Variants in TEX261 observed in about 807,000 individuals in gnomAD.
The protein encoded by TEX261 is protein TEX261.
A neutral mutation model predicts 25.1 loss-of-function variants in TEX261; 13 were observed. The observed-to-expected ratio is 0.52, with a 90% confidence interval of 0.34 to 0.82. TEX261 has a LOEUF of 0.82. Among genes scored for constraint, TEX261 ranks in the 40% least tolerant of loss-of-function variants. The pLI is 0.02. For missense variants in TEX261, 206 were observed against 243.2 expected (o/e 0.85, Z 1.02); for synonymous variants, 92 against 97.8 (o/e 0.94, Z 0.35).
At position 70,994,832 on chromosome 2, in the gene TEX261, ACCGCCG is replaced by A. The variant is rs532077917; in HGVS notation, c.-81_-76del. On this transcript the variant is annotated 5_prime_UTR_variant, in exon 1 of 6. Transcript: ENST00000272438. ...TCGGCTCCGGCGACACACAGCCGCC[ACCGCCG>A]CCGCCGCCGCCGCGTCCCCGCCCCG... 3,671 of 1,270,050 alleles carry A rather than the reference ACCGCCG, an allele frequency of 2.9e-3. 89 individuals are homozygous for A. In the African/African-American group the frequency reaches 0.048, roughly 17 times the overall value. The allele number at this position is 1,270,050 out of a possible 1,614,324, so 78.7% of individuals were successfully genotyped here.
At chr2:70,991,555 C>A (rs1392314873) in intron 3 of TEX261, among the ~76,000 whole-genome samples, 3 of 152,190 alleles carry the variant, frequency 2.0e-5, no homozygotes, top group African/African-American at 7.2e-5. Context: ...CTGCCTCAGC[C>A]AATCCACAAC....
intron 3 of TEX261, among the ~76,000 whole-genome samples, chr2:70,990,410 T>G (rs1553425494): frequency 6.6e-6 from 1 of 151,896 alleles, no homozygotes; most frequent in African/African-American, 2.4e-5. Context: ...GGCATACCGG[T>G]GTGAACTGAT....
chr2:70,990,344 T>C (rs782820476), intron 3 of TEX261, among the ~76,000 whole-genome samples: 8 of 152,158 alleles, frequency 5.3e-5, no homozygotes. Context: ...GGTGCAGTCT[T>C]CAGGTTCCTC....
intron 3 of TEX261, among the ~76,000 whole-genome samples, chr2:70,991,463 C>T (rs1266827920): frequency 2.0e-5 from 3 of 152,238 alleles, no homozygotes; most frequent in Non-Finnish European, 4.4e-5. Context: ...ACTGGACGGA[C>T]AGCTGCCTGC....
chr2:70,989,260 C>T (rs571960608), intron 4 of TEX261: 100 of 564,852 alleles, frequency 1.8e-4, no homozygotes, highest in Non-Finnish European at 3.0e-4. Flanking sequence ...ACAAGCAACT[C>T]CCCTGGACTG....
At chr2:70,989,440 C>T in intron 4 of TEX261, 1 of 431,358 alleles carries the variant, frequency 2.3e-6, no homozygotes, top group Middle Eastern at 6.7e-4. Flanking sequence ...TGCAGTCCAT[C>T]CCTGCCCTGT....
chr2:70,988,494 C>T lies in TEX261; in HGVS notation c.*106G>A. 1 of 848,676 alleles carries T rather than the reference C, an allele frequency of 1.2e-6. No individual in the cohort carries two copies. Among genetic ancestry groups the T allele is most frequent in the Non-Finnish European group, 2.0e-6 (1 of 506,832 alleles). 52.6% of individuals were successfully genotyped at this position (848,676 alleles called of 1,614,324 possible). ...GCTCCAGAGTTGAGGGGAAGAAAGC[C>T]AGGGCAGGTGGTAGGTGCCTTCCCG... is the stretch of plus-strand genomic sequence containing the variant. On this transcript the variant is annotated 3_prime_UTR_variant, in exon 6 of 6. Transcript: ENST00000272438.
Position 70,988,487 on chromosome 2 carries a change from A to T in TEX261, c.*113T>A, listed in dbSNP as rs4852735. The T allele has an allele frequency of 1.3e-6, 1 of 792,332 alleles. No individual in the cohort carries two copies. The highest frequency in any genetic ancestry group is 2.2e-6 in the Non-Finnish European group (1 of 464,526). 49.1% of individuals were successfully genotyped at this position (792,332 alleles called of 1,614,324 possible). A position where few individuals can be genotyped will look rare whatever the true frequency, so the allele number is the denominator to read the frequency against. On this transcript the variant is annotated 3_prime_UTR_variant, in exon 6 of 6. Transcript: ENST00000272438. ...GGATGGGGCTCCAGAGTTGAGGGGA[A>T]GAAAGCCAGGGCAGGTGGTAGGTGC...
intron 2 of TEX261, 110 bp downstream of exon 2, chr2:70,993,586 G>C: frequency 1.1e-6 from 1 of 901,788 alleles, no homozygotes; most frequent in African/African-American, 1.6e-5. Flanking sequence ...TGTATGCTCA[G>C]GAAACAGCAG....
In TEX261 at chr2:70,989,742, T is replaced by C; in HGVS notation, c.372+7A>G. The stretch of plus-strand genomic sequence containing the variant: ...GTTAACAGCTGAATGTGCTGGACAC[T>C]TCTTACCTCTGAGAAGGGATAATAT... On this transcript the variant is annotated splice_region_variant and intron_variant, in intron 4 of 5. Coordinates refer to ENST00000272438, the MANE Select transcript of TEX261 (RefSeq NM_144582.3). 6.2e-7 allele frequency: 1 copy of C among 1,603,990 alleles called. No individual in the cohort carries two copies. Among genetic ancestry groups the C allele is most frequent in the Non-Finnish European group, 8.5e-7 (1 of 1,170,668 alleles).
In TEX261 at chr2:70,988,953, G is replaced by A. The variant is rs782739877; in HGVS notation, c.437C>T (p.Ala146Val). 6.2e-7 allele frequency: 1 copy of A among 1,614,086 alleles called. No individual in the cohort carries two copies. Among genetic ancestry groups the A allele is most frequent in the East Asian group, 2.2e-5 (1 of 44,866 alleles). The change falls in exon 5 of 6, where the codon GCC (alanine) becomes GTC (valine). Residue 146 changes from alanine to valine, a missense_variant. Transcript: ENST00000272438. ...IPFAFFVSLS[A>V]GENVLPSTMQ... ...GGTAGAGGGCAGGACGTTCTCCCCGGCCGAAAGTGACACAAAAAACGCAAA... is the reference window on the plus strand; with the variant it reads ...GGTAGAGGGCAGGACGTTCTCCCCGACCGAAAGTGACACAAAAAACGCAAA...
intron 1 of TEX261, 78 bp downstream of exon 1, chr2:70,994,609 GA>G (rs781988113): frequency 6.5e-7 from 1 of 1,541,634 alleles, no homozygotes. Context: ...GAGTGGCTCC[GA>G]AACCCCCGCG....
rs1276946303 is a variant in TEX261, at chr2:70,994,825, A to AGCCGCCACC, written c.-77_-69dup. ...GCGCGCTTCGGCTCCGGCGACACAC[A>AGCCGCCACC]GCCGCCACCGCCGCCGCCGCCGCCG... On this transcript the variant is annotated 5_prime_UTR_variant, in exon 1 of 6. Transcript: ENST00000272438. 1.5e-6 allele frequency: 2 copies of AGCCGCCACC among 1,309,866 alleles called. No individual in the cohort carries two copies. The highest frequency in any genetic ancestry group is 2.4e-5 in the South Asian group (1 of 41,388). The allele number at this position is 1,309,866 out of a possible 1,614,324, so 81.1% of individuals were successfully genotyped here. A position where few individuals can be genotyped will look rare whatever the true frequency, so the allele number is the denominator to read the frequency against.
chr2:70,992,587 G>C (rs1392211676), intron 2 of TEX261, among the ~76,000 whole-genome samples: 2 of 152,076 alleles, frequency 1.3e-5, no homozygotes, highest in African/African-American at 4.8e-5. Context: ...AAATTAGCCA[G>C]GCATGGTGGC....
intron 5 of TEX261, 90 bp downstream of exon 5, chr2:70,988,825 G>A: frequency 1.3e-6 from 2 of 1,535,662 alleles, no homozygotes; most frequent in Non-Finnish European, 1.8e-6. Flanking sequence ...CTCCAACACA[G>A]GGCTAGATTC....
rs1553425274 is a variant in TEX261 at position 70,988,964 on chromosome 2, C to A, written c.426G>T (p.Val142=). 2.5e-6 allele frequency: 4 copies of A among 1,613,990 alleles called. No homozygotes were observed. The highest frequency in any genetic ancestry group is 3.4e-6 in the Non-Finnish European group (4 of 1,180,008). ...CLWIIPFAFF[V]SLSAGENVLP... ...GGACGTTCTCCCCGGCCGAAAGTGA[C>A]ACAAAAAACGCAAACGGAATTATCC... Residue 142 remains valine (V), a synonymous_variant, in exon 5 of 6, where the codon GTG becomes GTT. Transcript: ENST00000272438.
chr2:70,994,581 G>A, intron 1 of TEX261, 107 bp downstream of exon 1: 1 of 1,474,196 alleles, frequency 6.8e-7, no homozygotes, highest in Non-Finnish European at 9.2e-7. Flanking sequence ...GGCCGGGAGC[G>A]CCGGGCAGTG....
chr2:70,991,798 T>C (rs1350975596), intron 3 of TEX261, 32 bp downstream of exon 3: 2 of 1,607,558 alleles, frequency 1.2e-6, no homozygotes, highest in Admixed American at 3.4e-5. Context: ...CCCAACCACA[T>C]CAGCTGCCTC....
At position 70,987,694 on chromosome 2, in the gene TEX261, G is replaced by C. The variant is rs1553425079; in HGVS notation, c.*906C>G. The C allele has an allele frequency of 6.6e-6, 1 of 152,280 alleles. No individual in the cohort carries two copies. The highest frequency in any genetic ancestry group is 1.5e-5 in the Non-Finnish European group (1 of 68,038). The allele number at this position is 152,280 out of a possible 1,614,324, so 9.4% of individuals were successfully genotyped here. ...ATTAGTCCCATTTCTTTAAAAACAG[G>C]CTGCCTGGAAGCTAATTTTTATTTT... On this transcript the variant is annotated 3_prime_UTR_variant, in exon 6 of 6. Coordinates refer to ENST00000272438, the MANE Select transcript of TEX261 (RefSeq NM_144582.3).
Sources: gnomAD v4.1 joint callset for allele counts (sites outside exome capture counted in the v4.1 genomes callset) on GRCh38, gnomAD v4.1.1 for gene constraint, MANE v1.5 for transcripts, NCBI Gene and HGNC (gene_info 2026-07-23, HGNC 2026-07-21) for gene names.